The following SETBP1 variants were observed in gnomAD, a reference collection of about 807,000 sequenced individuals.
SETBP1 encodes the protein SET binding protein 1.
Under a neutral mutation model 101.0 loss-of-function variants are expected in SETBP1, and 9 were observed. The ratio of observed to expected loss-of-function variants is 0.09; its 90% CI spans 0.05 to 0.16. The LOEUF is 0.16. Among genes scored for constraint, SETBP1 ranks in the 10% least tolerant of loss-of-function variants. SETBP1 has a pLI of 1.00. For synonymous variants in SETBP1, 818 were observed against 788.5 expected (o/e 1.04, Z -0.63); for missense variants, 1,858 against 2,033.8 (o/e 0.91, Z 1.66).
intron 4 of SETBP1, among the ~76,000 whole-genome samples, chr18:44,984,587 G>A (rs1199053924): frequency 6.6e-6 from 1 of 152,094 alleles, no homozygotes; most frequent in African/African-American, 2.4e-5. Context: ...TGCCATATAT[G>A]CTATAACTAC....
chr18:45,024,807 G>A (rs574191915), intron 4 of SETBP1, among the ~76,000 whole-genome samples: 27 of 152,214 alleles, frequency 1.8e-4, no homozygotes, highest in Non-Finnish European at 3.5e-4. Context: ...CTTAAACAGG[G>A]GCTTACAGAA....
In SETBP1 at chr18:44,798,575, T is replaced by A. The variant is rs562135156; in HGVS notation, c.487-70655T>A. ...GGGTGGAAAGAAAAACCAAAGTGGCTGAATCTAAAATAGCACTTCCCCTTT... is the reference window on the plus strand; with the variant it reads ...GGGTGGAAAGAAAAACCAAAGTGGCAGAATCTAAAATAGCACTTCCCCTTT... On this transcript the variant is annotated intron_variant, in intron 2 of 5. Transcript: ENST00000649279. 5.9e-5 allele frequency among the ~76,000 whole-genome samples: 9 copies of A among 152,296 alleles called. No homozygotes were observed. The East Asian group carries it at 1.5e-3, about 26-fold the overall frequency.
In SETBP1 at chr18:44,801,745, G is replaced by A. The variant is rs548266410; in HGVS notation, c.487-67485G>A. ...GCCATATAAAAAGAATGAGGTGTGC[G>A]AAAGGGAGTAATTTAACAAAGACTT... is the stretch of plus-strand genomic sequence containing the variant. On this transcript the variant is annotated intron_variant, in intron 2 of 5. Coordinates refer to ENST00000649279, the MANE Select transcript of SETBP1 (RefSeq NM_015559.3). Among the ~76,000 whole-genome samples, 5 of 151,800 alleles carry A rather than the reference G, an allele frequency of 3.3e-5. No individual in the cohort carries two copies. In the East Asian group the frequency reaches 9.7e-4, roughly 29 times the overall value.
intron 2 of SETBP1, among the ~76,000 whole-genome samples, chr18:44,716,909 T>C (rs904749451): frequency 2.0e-5 from 3 of 152,208 alleles, no homozygotes; most frequent in Admixed American, 1.3e-4. Context: ...AGAAAGCCAA[T>C]TGGCTGTGCA....
At chr18:44,938,750 A>G (rs2071018100) in intron 3 of SETBP1, among the ~76,000 whole-genome samples, 1 of 152,190 alleles carries the variant, frequency 6.6e-6, no homozygotes, top group Non-Finnish European at 1.5e-5. Context: ...TGAGGAGAGG[A>G]GAGAACAATG....
intron 3 of SETBP1, among the ~76,000 whole-genome samples, chr18:44,926,108 A>G (rs1192076670): frequency 6.6e-6 from 1 of 152,046 alleles, no homozygotes; most frequent in Admixed American, 6.6e-5. Context: ...TCACTCTGTC[A>G]CCCAGGCCAG....
chr18:44,715,766 T>A (rs943137871), intron 2 of SETBP1, among the ~76,000 whole-genome samples: 1 of 152,188 alleles, frequency 6.6e-6, no homozygotes, highest in Non-Finnish European at 1.5e-5. Context: ...TTTCCATCAC[T>A]TCCTTCAATA....
chr18:44,884,779 TTTTG>T (rs1312318376), intron 3 of SETBP1, among the ~76,000 whole-genome samples: 3 of 152,288 alleles, frequency 2.0e-5, no homozygotes, highest in East Asian at 1.9e-4. Context: ...TCAAAGAGTT[TTTTG>T]TTTGTTTGTT....
At chr18:44,798,653 C>T (rs2071533353) in intron 2 of SETBP1, among the ~76,000 whole-genome samples, 1 of 152,142 alleles carries the variant, frequency 6.6e-6, no homozygotes, top group Non-Finnish European at 1.5e-5. Flanking sequence ...AATGGTATCT[C>T]TGGGTTATAA....
intron 2 of SETBP1, among the ~76,000 whole-genome samples, chr18:44,846,535 A>G (rs1024387245): frequency 6.6e-6 from 1 of 152,190 alleles, no homozygotes; most frequent in African/African-American, 2.4e-5. Context: ...TCCATTTTGA[A>G]TCTGTGAATT....
chr18:44,865,510 G>A (rs1283766721), intron 2 of SETBP1, among the ~76,000 whole-genome samples: 1 of 152,212 alleles, frequency 6.6e-6, no homozygotes, highest in Non-Finnish European at 1.5e-5. Flanking sequence ...ATATCCTGAT[G>A]TAGGTGGTCT....
chr18:44,713,967 A>G (rs1231782087), intron 2 of SETBP1, among the ~76,000 whole-genome samples: 9 of 152,150 alleles, frequency 5.9e-5, no homozygotes, highest in African/African-American at 2.4e-5. Flanking sequence ...TTTTCTATGT[A>G]TTCTGTAGAG....
rs751808043 is a variant in SETBP1 at position 44,822,912 on chromosome 18, G to T, written c.487-46318G>T. 6.6e-4 allele frequency among the ~76,000 whole-genome samples: 101 copies of T among 152,226 alleles called. 3 individuals are homozygous for T. Among genetic ancestry groups the T allele is most frequent in the Non-Finnish European group, 1.2e-4 (8 of 68,042 alleles). ...CACACCTGTACTTTGGGAGGCCGAG[G>T]TGGGCGGATCACCAGAGGGTCAGGA... On this transcript the variant is annotated intron_variant, in intron 2 of 5. Coordinates refer to ENST00000649279, the MANE Select transcript of SETBP1 (RefSeq NM_015559.3).
intron 1 of SETBP1, among the ~76,000 whole-genome samples, chr18:44,698,987 T>G (rs2069066069): frequency 6.6e-6 from 1 of 152,202 alleles, no homozygotes; most frequent in South Asian, 2.1e-4. Flanking sequence ...TGGAAGATAT[T>G]TTCTTAATAT....
chr18:44,759,431 A>C (rs76394856), intron 2 of SETBP1, among the ~76,000 whole-genome samples: 2 of 152,178 alleles, frequency 1.3e-5, no homozygotes, highest in Non-Finnish European at 2.9e-5. Flanking sequence ...TTCCGGGTCT[A>C]ACTGGCTTTT....
Position 44,950,863 on chromosome 18 carries a change from C to G in SETBP1, c.1523C>G (p.Thr508Arg), listed in dbSNP as rs776966017. 3 of 1,614,038 alleles carry G rather than the reference C, an allele frequency of 1.9e-6. No individual in the cohort carries two copies. Among genetic ancestry groups the G allele is most frequent in the Non-Finnish European group, 1.7e-6 (2 of 1,180,044 alleles). Residue 508 changes from threonine to arginine, a missense_variant, in exon 4 of 6, where the codon ACG (threonine) becomes AGG (arginine). Thr to Arg is a moderately conservative substitution (Grantham distance 71). Around this residue, in one of 12 missense-constraint regions of SETBP1, gnomAD observed 581 missense variants for 535.1 expected, o/e 1.09. Transcript: ENST00000649279. ...CCACCCATGGTCATGACACCTCCAA[C>G]GTGCACAGATCACTCTCCATCCAGA... is the stretch of plus-strand genomic sequence containing the variant. ...RKPPMVMTPPTCTDHSPSRKL... is the reference protein window; with the variant it reads ...RKPPMVMTPPRCTDHSPSRKL...
chr18:44,862,897 A>C (rs925042114), intron 2 of SETBP1, among the ~76,000 whole-genome samples: 6 of 152,210 alleles, frequency 3.9e-5, no homozygotes, highest in African/African-American at 1.4e-4. Flanking sequence ...CATTCATTTC[A>C]TAGGTGGTAA....
At chr18:44,931,063 C>T (rs1362549686) in intron 3 of SETBP1, among the ~76,000 whole-genome samples, 5 of 152,268 alleles carry the variant, frequency 3.3e-5, no homozygotes, top group African/African-American at 9.6e-5. Flanking sequence ...CCTGCTTTCT[C>T]TTGTGGGCAT....
chr18:44,795,613 A>C (rs8099628), intron 2 of SETBP1, among the ~76,000 whole-genome samples: 21,529 of 152,218 alleles, frequency 0.14, 2,290 homozygotes, highest in African/African-American at 0.3. Context: ...GCTACAGATA[A>C]CAGGTGTATT....
Sources: gnomAD v4.1 joint callset for allele counts (sites outside exome capture counted in the v4.1 genomes callset) on GRCh38, gnomAD v4.1.1 for gene constraint, gnomAD v4.1.1 regional missense constraint, MANE v1.5 for transcripts, NCBI Gene and HGNC (gene_info 2026-07-23, HGNC 2026-07-21) for gene names.